The following SAMD5 variants were observed in gnomAD, a reference collection of about 807,000 sequenced individuals.
SAMD5 encodes sterile alpha motif domain containing 5.
Under a neutral mutation model 11.3 loss-of-function variants are expected in SAMD5, and 13 were observed. The observed-to-expected ratio is 1.15, with a 90% CI of 0.75 to 1.83. SAMD5 has a LOEUF of 1.83. Ranked by LOEUF, SAMD5 falls within the 40% of genes most tolerant of loss-of-function variation. SAMD5 has a pLI of 0.00. For synonymous variants in SAMD5, 129 were observed against 111.3 expected (o/e 1.16, Z -1.00); for missense variants, 255 against 239.1 (o/e 1.07, Z -0.44).
the SAMD5 span, among the ~76,000 whole-genome samples, chr6:147,858,946 C>T: frequency 6.6e-6 from 1 of 152,158 alleles, no homozygotes; most frequent in Admixed American, 6.6e-5. Flanking sequence ...AAAGACAACA[C>T]CATAATAAGT....
At chr6:147,574,850 A>C (rs1280065060), downstream of SAMD5, among the ~76,000 whole-genome samples, 1 of 152,190 alleles carries the variant, frequency 6.6e-6, no homozygotes, top group Non-Finnish European at 1.5e-5. Context: ...TCTTAATACT[A>C]TCACATTGGC....
intron 1 of SAMD5, 25 bp downstream of exon 1, chr6:147,509,412 C>T: frequency 6.7e-7 from 1 of 1,497,674 alleles, no homozygotes; most frequent in Non-Finnish European, 8.9e-7. Context: ...TCCGGGCGGC[C>T]CGGGGCGCGC....
intron 1 of SAMD5, among the ~76,000 whole-genome samples, chr6:147,692,713 C>A (rs571491811): frequency 8.6e-4 from 131 of 152,310 alleles, no homozygotes; most frequent in African/African-American, 3.0e-3. Flanking sequence ...TGCAATCAGT[C>A]AATTTTTAGA....
the SAMD5 span, among the ~76,000 whole-genome samples, chr6:147,939,358 G>A: frequency 1.3e-5 from 2 of 152,186 alleles, no homozygotes; most frequent in African/African-American, 4.8e-5. Context: ...CTCCCTGGAG[G>A]TTGAGGGTGG....
chr6:147,782,280 A>G, the SAMD5 span, among the ~76,000 whole-genome samples: 1 of 152,202 alleles, frequency 6.6e-6, no homozygotes, highest in Non-Finnish European at 1.5e-5. Context: ...CAAAGCTCCA[A>G]CACTTCCTGT....
intron 1 of SAMD5, among the ~76,000 whole-genome samples, chr6:147,614,553 A>G (rs770073596): frequency 6.6e-5 from 10 of 152,014 alleles, no homozygotes; most frequent in Non-Finnish European, 1.2e-4. Context: ...TACAGTGTTG[A>G]GTAAAAGAAG....
At chr6:147,536,964 AT>A (rs1176237366) in intron 1 of SAMD5, among the ~76,000 whole-genome samples, 1 of 152,100 alleles carries the variant, frequency 6.6e-6, no homozygotes, top group East Asian at 1.9e-4. Context: ...TTATACAATT[AT>A]TTTTTAAAGA....
At chr6:147,770,185 T>A in the SAMD5 span, among the ~76,000 whole-genome samples, 1 of 152,156 alleles carries the variant, frequency 6.6e-6, no homozygotes, top group Non-Finnish European at 1.5e-5. Flanking sequence ...GCTAAACACA[T>A]TTTGGATTAG....
the SAMD5 span, among the ~76,000 whole-genome samples, chr6:147,801,492 AAG>A: frequency 6.6e-6 from 1 of 152,184 alleles, no homozygotes; most frequent in African/African-American, 2.4e-5. Flanking sequence ...AGAAAGGCGA[AAG>A]AAAGGGAAGC....
chr6:147,786,122 C>T, the SAMD5 span, among the ~76,000 whole-genome samples: 1 of 152,162 alleles, frequency 6.6e-6, no homozygotes, highest in Non-Finnish European at 1.5e-5. Context: ...TTGAGTTCCG[C>T]AAAATGTCTC....
At chr6:147,909,808 T>C in the SAMD5 span, among the ~76,000 whole-genome samples, 4 of 151,964 alleles carry the variant, frequency 2.6e-5, no homozygotes, top group Admixed American at 2.6e-4. Context: ...TCCAGCTCTT[T>C]AGAGAAAAAG....
the SAMD5 span, among the ~76,000 whole-genome samples, chr6:147,860,942 G>C: frequency 6.6e-6 from 1 of 152,158 alleles, no homozygotes; most frequent in African/African-American, 2.4e-5. Flanking sequence ...ACAGGAATAC[G>C]TGGATAGTTG....
At chr6:147,617,858 T>C (rs1789895637) in intron 1 of SAMD5, among the ~76,000 whole-genome samples, 1 of 152,220 alleles carries the variant, frequency 6.6e-6, no homozygotes, top group Non-Finnish European at 1.5e-5. Flanking sequence ...CCACCCAGGT[T>C]TGTAGATATT....
the SAMD5 span, among the ~76,000 whole-genome samples, chr6:147,795,181 C>G: frequency 6.9e-6 from 1 of 145,206 alleles, no homozygotes; most frequent in African/African-American, 2.6e-5. Flanking sequence ...CGTCATCTAG[C>G]ATTAGGTATA....
intron 1 of SAMD5, among the ~76,000 whole-genome samples, chr6:147,627,061 G>C (rs1790066708): frequency 6.6e-6 from 1 of 152,194 alleles, no homozygotes; most frequent in African/African-American, 2.4e-5. Flanking sequence ...GAACTACTCA[G>C]AAAATATTTA....
chr6:147,642,039 T>TTA (rs1011197217), intron 1 of SAMD5, among the ~76,000 whole-genome samples: 27 of 152,208 alleles, frequency 1.8e-4, no homozygotes, highest in Non-Finnish European at 3.4e-4. Flanking sequence ...AAGTAATGAA[T>TTA]TATACCTTTT....
At chr6:147,745,679 C>A in the SAMD5 span, among the ~76,000 whole-genome samples, 8 of 152,122 alleles carry the variant, frequency 5.3e-5, no homozygotes, top group Non-Finnish European at 1.0e-4. Context: ...ATGTTAATTA[C>A]ACCCATCTTG....
the SAMD5 span, among the ~76,000 whole-genome samples, chr6:147,754,031 G>A: frequency 1.3e-5 from 2 of 152,038 alleles, no homozygotes; most frequent in South Asian, 2.1e-4. Flanking sequence ...ATGTCTCTCC[G>A]ATATACTGAT....
At chr6:147,646,918 ACCTGAGGTCAGGAGTTCAAGACCAG>A (rs1790411520) in intron 1 of SAMD5, among the ~76,000 whole-genome samples, 1 of 151,040 alleles carries the variant, frequency 6.6e-6, no homozygotes, top group African/African-American at 2.4e-5. Flanking sequence ...TGGGTGTATC[ACCTGAGGTCAGGAGTTCAAGACCAG>A]CCTGGCCAAC....
Sources: gnomAD v4.1 joint callset for allele counts (sites outside exome capture counted in the v4.1 genomes callset) on GRCh38, gnomAD v4.1.1 for gene constraint, MANE v1.5 for transcripts, NCBI Gene and HGNC (gene_info 2026-07-23, HGNC 2026-07-21) for gene names.